The following ADRA1A variants were observed in gnomAD, a reference collection of about 807,000 sequenced individuals.
The protein encoded by ADRA1A is alpha-1A adrenergic receptor.
ADRA1A carries 31 observed loss-of-function variants against 29.6 expected under a neutral mutation model. The observed-to-expected ratio is 1.05, with a 90% CI of 0.79 to 1.41. The LOEUF is 1.41. Among genes scored for constraint, ADRA1A ranks in the 40% most tolerant of loss-of-function variants. ADRA1A has a pLI of 0.00. For missense variants in ADRA1A, 619 were observed against 601.1 expected, an observed-to-expected ratio of 1.03 and a Z score of -0.31; for synonymous variants, 311 against 254.3, an observed-to-expected ratio of 1.22 and a Z score of -2.12.
downstream of ADRA1A, among the ~76,000 whole-genome samples, chr8:26,755,500 G>A (rs953372325): frequency 3.9e-5 from 6 of 152,134 alleles, no homozygotes; most frequent in South Asian, 6.2e-4. Flanking sequence ...CCTGTGCCCC[G>A]ACATTTGGGA....
Position 26,864,441 on chromosome 8 carries a change from G to A in ADRA1A, c.529C>T (p.Gln177Ter). 1 of 1,613,504 alleles carries A rather than the reference G, an allele frequency of 6.2e-7. No homozygotes were observed. Among genetic ancestry groups the A allele is most frequent in the Non-Finnish European group, 8.5e-7 (1 of 1,180,040 alleles). The change falls in exon 2 of 3, where the codon CAG becomes TAG. Residue 177 changes from glutamine (Q) to a stop codon, truncating the protein, a stop_gained. Transcript: ENST00000380573. LOFTEE classifies it high-confidence loss of function. The surrounding 1 kb of genome is among the most constrained non-coding windows in gnomAD (Gnocchi z 8.1). ...ACGTAGCCCGGCTCCTCGTTGATCTGGCAGATGGTCTCGTCCTCGGGGGCC... is the reference window on the plus strand; with the variant it reads ...ACGTAGCCCGGCTCCTCGTTGATCTAGCAGATGGTCTCGTCCTCGGGGGCC... The part of the protein sequence containing the change: ...QPAPEDETIC[Q>*]INEEPGYVLF...
intron 2 of ADRA1A, among the ~76,000 whole-genome samples, chr8:26,788,262 A>C (rs1366184041): frequency 6.6e-6 from 1 of 152,128 alleles, no homozygotes; most frequent in South Asian, 2.1e-4. Context: ...GTGTGTTTCT[A>C]CAAGTTGTGC....
chr8:26,797,853 C>A (rs1488017829), intron 2 of ADRA1A, among the ~76,000 whole-genome samples: 1 of 152,084 alleles, frequency 6.6e-6, no homozygotes, highest in East Asian at 1.9e-4. Context: ...TACGTCAGTA[C>A]ATAATTGTTA....
chr8:26,800,072 A>G (rs899366592), intron 2 of ADRA1A, among the ~76,000 whole-genome samples: 8 of 152,138 alleles, frequency 5.3e-5, no homozygotes, highest in African/African-American at 1.9e-4. Context: ...CAGCCTGATC[A>G]TCATTGTGAA....
downstream of ADRA1A, among the ~76,000 whole-genome samples, chr8:26,754,864 C>G (rs1805084103): frequency 6.6e-6 from 1 of 152,124 alleles, no homozygotes; most frequent in African/African-American, 2.4e-5. Flanking sequence ...GTTTGTAACA[C>G]AAGCAGACAC....
In ADRA1A at chr8:26,773,821, T is replaced by C. The variant is rs78058234; in HGVS notation, c.884-3155A>G. Among the ~76,000 whole-genome samples the C allele has an allele frequency of 4.5e-3, 678 of 152,308 alleles. 15 individuals are homozygous for C. The East Asian group carries it at 0.049, about 11-fold the overall frequency. ...GTGGCCCTGCTCTTAATTCCAGGTATGGCTGACCCAGAGCCAAGCTCTTGG... is the reference window on the plus strand; with the variant it reads ...GTGGCCCTGCTCTTAATTCCAGGTACGGCTGACCCAGAGCCAAGCTCTTGG... On this transcript the variant is annotated intron_variant, in intron 2 of 2. Coordinates refer to ENST00000380573, the MANE Select transcript of ADRA1A (RefSeq NM_000680.4).
intron 2 of ADRA1A, among the ~76,000 whole-genome samples, chr8:26,778,677 A>G (rs1233353890): frequency 6.6e-6 from 1 of 151,918 alleles, no homozygotes; most frequent in Non-Finnish European, 1.5e-5. Flanking sequence ...CATCATTCTC[A>G]GCAAACTATC....
intron 2 of ADRA1A, chr8:26,779,092 T>G: frequency 2.1e-6 from 1 of 486,408 alleles, no homozygotes; most frequent in Non-Finnish European, 3.6e-6. Context: ...GTTTTTAAGT[T>G]TTCTTATTTA....
intron 2 of ADRA1A, among the ~76,000 whole-genome samples, chr8:26,804,373 G>C (rs559423690): frequency 2.0e-5 from 3 of 152,124 alleles, no homozygotes; most frequent in South Asian, 2.1e-4. Context: ...AAATTTCATC[G>C]ATATGTGAAA....
At chr8:26,850,808 T>C (rs1812576007) in intron 2 of ADRA1A, among the ~76,000 whole-genome samples, 1 of 152,178 alleles carries the variant, frequency 6.6e-6, no homozygotes, top group African/African-American at 2.4e-5. Flanking sequence ...TATATCTTTA[T>C]AGGTAAAATT....
rs1348067278 is a variant in ADRA1A, at chr8:26,831,293, A to G, written c.883+32794T>C. On this transcript the variant is annotated intron_variant, in intron 2 of 2. Transcript: ENST00000380573. This position sits in a 1 kb window ranked among gnomAD's most constrained non-coding sequence, Gnocchi z 5.2. ...TGCTTATTATGGATGATTCTGTGTC[A>G]CAAAAACAGCATATAGGGTCAGCTT... Among the ~76,000 whole-genome samples the G allele has an allele frequency of 1.3e-5, 2 of 152,224 alleles. No individual in the cohort carries two copies. The highest frequency in any genetic ancestry group is 4.8e-5 in the African/African-American group (2 of 41,470).
At position 26,866,898 on chromosome 8, in the gene ADRA1A, C is replaced by T. The variant is rs1422089372; in HGVS notation, c.-687+38G>A. ...ACGGCGGGGGAGGTCTGCCCTCACC[C>T]ACTCGGCCCTGCGGGACGCCGGCCC... is the stretch of plus-strand genomic sequence containing the variant. On this transcript the variant is annotated intron_variant, in intron 1 of 2. Coordinates refer to ENST00000380573, the MANE Select transcript of ADRA1A (RefSeq NM_000680.4). The surrounding 1 kb of genome is among the most constrained non-coding windows in gnomAD (Gnocchi z 5.7). 1.6e-5 allele frequency: 16 copies of T among 985,492 alleles called. No individual in the cohort carries two copies. The South Asian group carries it at 2.3e-4, about 14-fold the overall frequency. 61.0% of individuals were successfully genotyped at this position (985,492 alleles called of 1,614,324 possible). A position where few individuals can be genotyped will look rare whatever the true frequency, so the allele number is the denominator to read the frequency against.
intron 2 of ADRA1A, among the ~76,000 whole-genome samples, chr8:26,804,948 A>G (rs1808859075): frequency 6.6e-6 from 1 of 152,232 alleles, no homozygotes; most frequent in Non-Finnish European, 1.5e-5. Flanking sequence ...GCATCAAAAT[A>G]AGCTTCGGAG....
At chr8:26,767,682 C>T (rs1176073536), downstream of ADRA1A, among the ~76,000 whole-genome samples, 13 of 152,022 alleles carry the variant, frequency 8.6e-5, no homozygotes, top group Admixed American at 2.6e-4. Context: ...TAAGCTTTCC[C>T]GTATCTAAAA....
At chr8:26,810,317 G>A (rs935174815) in intron 2 of ADRA1A, among the ~76,000 whole-genome samples, 5 of 152,292 alleles carry the variant, frequency 3.3e-5, no homozygotes, top group Admixed American at 6.5e-5. Context: ...TCATGACTAT[G>A]GGTTTTTTCC....
chr8:26,757,314 G>A (rs927212285), intron 2 of ADRA1A, among the ~76,000 whole-genome samples: 5 of 152,182 alleles, frequency 3.3e-5, no homozygotes, highest in African/African-American at 1.2e-4. Flanking sequence ...GTCAGCCTGA[G>A]TCGTGGTGAG....
In ADRA1A at chr8:26,819,709, A is replaced by T. The variant is rs181537239; in HGVS notation, c.883+44378T>A. Among the ~76,000 whole-genome samples the T allele has an allele frequency of 3.3e-5, 5 of 152,318 alleles. No homozygotes were observed. The East Asian group carries it at 9.6e-4, about 29-fold the overall frequency. Reference sequence around the variant, plus strand: ...TGTAATATAGGAAAAAAGGAACTACACAACAGTCATAAAAATTAATAAATT... The same window carrying T: ...TGTAATATAGGAAAAAAGGAACTACTCAACAGTCATAAAAATTAATAAATT... On this transcript the variant is annotated intron_variant, in intron 2 of 2. Transcript: ENST00000380573.
chr8:26,838,491 T>G (rs1811558061), intron 2 of ADRA1A, among the ~76,000 whole-genome samples: 1 of 152,188 alleles, frequency 6.6e-6, no homozygotes, highest in South Asian at 2.1e-4. Flanking sequence ...GAACAAATAT[T>G]TATTCAGGAC....
chr8:26,834,501 C>T (rs1003175502), intron 2 of ADRA1A, among the ~76,000 whole-genome samples: 1 of 152,192 alleles, frequency 6.6e-6, no homozygotes, highest in South Asian at 2.1e-4. Flanking sequence ...CAAATCAGGA[C>T]ATCTGCTGAT....
Sources: gnomAD v4.1 joint callset for allele counts (sites outside exome capture counted in the v4.1 genomes callset) on GRCh38, gnomAD v4.1.1 for gene constraint, Gnocchi (gnomAD v3.1) non-coding constraint, MANE v1.5 for transcripts, NCBI Gene and HGNC (gene_info 2026-07-23, HGNC 2026-07-21) for gene names.